The following SAMD4A variants were observed in gnomAD, a reference collection of about 807,000 sequenced individuals.
SAMD4A encodes the protein protein Smaug homolog 1.
Under a neutral mutation model 81.3 loss-of-function variants are expected in SAMD4A, and 33 were observed. The observed-to-expected ratio is 0.41, with a 90% confidence interval of 0.31 to 0.54. The LOEUF is 0.54. Among genes scored for constraint, SAMD4A ranks in the 20% least tolerant of loss-of-function variants. SAMD4A has a pLI of 0.37. For missense variants in SAMD4A, 854 were observed against 951.1 expected, an observed-to-expected ratio of 0.90 and a Z score of 1.34; for synonymous variants, 389 against 382.1, an observed-to-expected ratio of 1.02 and a Z score of -0.21.
intron 2 of SAMD4A, among the ~76,000 whole-genome samples, chr14:54,661,748 C>T (rs1457310131): frequency 6.6e-6 from 1 of 152,058 alleles, no homozygotes; most frequent in Non-Finnish European, 1.5e-5. Context: ...GATGACTTGC[C>T]CCAAACCCAT....
intron 2 of SAMD4A, among the ~76,000 whole-genome samples, chr14:54,609,292 G>T (rs1184599711): frequency 6.6e-6 from 1 of 152,196 alleles, no homozygotes; most frequent in Non-Finnish European, 1.5e-5. Context: ...GGAGAAAGGG[G>T]CTATGAGCCA....
At chr14:54,777,188 T>TTACA (rs1302674577) in intron 11 of SAMD4A, among the ~76,000 whole-genome samples, 1 of 151,910 alleles carries the variant, frequency 6.6e-6, no homozygotes, top group Non-Finnish European at 1.5e-5. Flanking sequence ...ACTGCACCTA[T>TTACA]CTGGATGGAC....
At chr14:54,681,127 C>T (rs1320395902) in intron 2 of SAMD4A, among the ~76,000 whole-genome samples, 1 of 152,174 alleles carries the variant, frequency 6.6e-6, no homozygotes, top group African/African-American at 2.4e-5. Context: ...GATGGGGGAC[C>T]AGCTGTTGGG....
chr14:54,630,597 G>T (rs763570013), intron 2 of SAMD4A, among the ~76,000 whole-genome samples: 1 of 152,094 alleles, frequency 6.6e-6, no homozygotes, highest in African/African-American at 2.4e-5. Context: ...TCAGATATAC[G>T]TATGAGTCTT....
At chr14:54,569,502 C>T (rs925533797) in intron 2 of SAMD4A, among the ~76,000 whole-genome samples, 1 of 152,178 alleles carries the variant, frequency 6.6e-6, no homozygotes, top group Non-Finnish European at 1.5e-5. Context: ...AGCCTCCCAG[C>T]TCACACCAGG....
chr14:54,723,658 C>G lies in SAMD4A; in HGVS notation c.716-13366C>G, dbSNP rs941821868. On this transcript the variant is annotated intron_variant, in intron 3 of 12. Coordinates refer to ENST00000554335, the MANE Select transcript of SAMD4A (RefSeq NM_015589.6). ...TACTTAGAATATTAACACTGCCTTG[C>G]GGCTTCTAGCTTCTGCGTGTTTCTG... Among the ~76,000 whole-genome samples, 5 of 152,318 alleles carry G rather than the reference C, an allele frequency of 3.3e-5. No individual in the cohort carries two copies. In the South Asian group the frequency reaches 1.0e-3, roughly 32 times the overall value.
intron 8 of SAMD4A, among the ~76,000 whole-genome samples, chr14:54,769,043 C>T (rs546712465): frequency 1.3e-5 from 2 of 152,234 alleles, no homozygotes; most frequent in Non-Finnish European, 2.9e-5. Context: ...TCGGAAACTT[C>T]TCTCCCTCCT....
intron 7 of SAMD4A, among the ~76,000 whole-genome samples, chr14:54,760,803 T>A (rs1368402819): frequency 6.6e-6 from 1 of 152,124 alleles, no homozygotes; most frequent in Non-Finnish European, 1.5e-5. Flanking sequence ...AGGAGGAAGG[T>A]GGGAAGGACT....
At chr14:54,688,075 C>T in intron 2 of SAMD4A, 1 of 985,508 alleles carries the variant, frequency 1.0e-6, no homozygotes, top group Middle Eastern at 5.2e-4. Flanking sequence ...GTGATCATTC[C>T]ATCAACTCAC....
chr14:54,621,463 C>A (rs1255882549), intron 2 of SAMD4A, among the ~76,000 whole-genome samples: 2 of 152,168 alleles, frequency 1.3e-5, no homozygotes, highest in African/African-American at 2.4e-5. Flanking sequence ...GATTCTCCCA[C>A]CTCAGCTTCC....
At chr14:54,604,918 T>C (rs2034158480) in intron 2 of SAMD4A, among the ~76,000 whole-genome samples, 1 of 152,230 alleles carries the variant, frequency 6.6e-6, no homozygotes, top group Non-Finnish European at 1.5e-5. Flanking sequence ...CTTTAACTTA[T>C]TGGATTTGTG....
chr14:54,760,056 G>C (rs1594906888), intron 6 of SAMD4A, 105 bp from the exon 7 acceptor site: 1 of 1,177,452 alleles, frequency 8.5e-7, no homozygotes, highest in Non-Finnish European at 1.2e-6. Context: ...GAGGGTACCA[G>C]CAGCCACGAA....
Position 54,717,835 on chromosome 14 carries a change from C to T in SAMD4A, c.715+15255C>T, listed in dbSNP as rs527490783. On this transcript the variant is annotated intron_variant, in intron 3 of 12. Transcript: ENST00000554335. ...GCTGTTGTTCAGGAATGAGTATTGT[C>T]AATACTCAGAAAAAGGAGATGTCTT... Among the ~76,000 whole-genome samples, 110 of 147,968 alleles carry T rather than the reference C, an allele frequency of 7.4e-4. 3 individuals carry two copies. In the South Asian group the frequency reaches 0.022, roughly 30 times the overall value.
intron 3 of SAMD4A, among the ~76,000 whole-genome samples, chr14:54,715,066 T>C (rs1566600106): frequency 1.3e-5 from 2 of 152,140 alleles, no homozygotes; most frequent in African/African-American, 4.8e-5. Context: ...GTAATAATTA[T>C]AAGAATATTA....
intron 2 of SAMD4A, among the ~76,000 whole-genome samples, chr14:54,618,147 A>G (rs1337811789): frequency 6.6e-6 from 1 of 152,222 alleles, no homozygotes; most frequent in African/African-American, 2.4e-5. Flanking sequence ...GGTGCAACTC[A>G]GATTAAAATT....
chr14:54,692,167 C>T (rs77821250), intron 2 of SAMD4A, among the ~76,000 whole-genome samples: 4,180 of 152,186 alleles, frequency 0.027, 63 homozygotes, highest in Middle Eastern at 0.048. Context: ...TTTTAGAAAG[C>T]GTGGGACCCA....
At chr14:54,701,173 T>G (rs2036707469) in intron 2 of SAMD4A, 1 of 151,912 alleles carries the variant, frequency 6.6e-6, no homozygotes, top group African/African-American at 2.4e-5. Context: ...TATTTCTTTT[T>G]TAATTATCTG....
At chr14:54,620,566 G>A (rs1336166959) in intron 2 of SAMD4A, among the ~76,000 whole-genome samples, 1 of 152,174 alleles carries the variant, frequency 6.6e-6, no homozygotes, top group Non-Finnish European at 1.5e-5. Flanking sequence ...GCCTTGTCAG[G>A]TTAAGAACAG....
intron 8 of SAMD4A, among the ~76,000 whole-genome samples, chr14:54,765,861 C>G (rs929900643): frequency 3.3e-5 from 5 of 152,114 alleles, no homozygotes; most frequent in African/African-American, 1.2e-4. Flanking sequence ...GGTACAGTCC[C>G]CCTCTGGGAT....
Sources: gnomAD v4.1 joint callset for allele counts (sites outside exome capture counted in the v4.1 genomes callset) on GRCh38, gnomAD v4.1.1 for gene constraint, MANE v1.5 for transcripts, NCBI Gene and HGNC (gene_info 2026-07-23, HGNC 2026-07-21) for gene names.